RNF24: variants seen among roughly 807,000 people sequenced by gnomAD.
RNF24 encodes the protein ring finger protein 24.
RNF24 carries 14 observed loss-of-function variants against 20.0 expected under a neutral mutation model. The observed-to-expected ratio is 0.70, with a 90% confidence interval of 0.46 to 1.10. The LOEUF (loss-of-function observed/expected upper bound fraction) is 1.10. Ranked by LOEUF, RNF24 falls within the 50% of genes least tolerant of loss-of-function variation. The pLI, the probability that RNF24 is intolerant of heterozygous loss-of-function variation, is 0.00. For missense variants in RNF24, 124 were observed against 177.6 expected (o/e 0.70, Z 1.71); for synonymous variants, 45 against 61.1 (o/e 0.74, Z 1.23).
intron 1 of RNF24, among the ~76,000 whole-genome samples, chr20:4,012,419 A>G (rs1982536292): frequency 6.7e-6 from 1 of 149,656 alleles, no homozygotes; most frequent in Admixed American, 6.7e-5. Context: ...TCCATCTCAA[A>G]AAAAAAAAAC....
In RNF24 at chr20:3,934,399, G is replaced by A. The variant is rs537790369; in HGVS notation, c.309-198C>T. Among the ~76,000 whole-genome samples, 3 of 152,294 alleles carry A rather than the reference G, an allele frequency of 2.0e-5. No individual in the cohort carries two copies. Among genetic ancestry groups the A allele is most frequent in the African/African-American group, 7.2e-5 (3 of 41,574 alleles). On this transcript the variant is annotated intron_variant, in intron 5 of 5. Coordinates refer to ENST00000358395, the MANE Select transcript of RNF24 (RefSeq NM_001134337.3). This position sits in a 1 kb window ranked among gnomAD's most constrained non-coding sequence, Gnocchi z 4.0. ...AGAAGGAGTGGGGAGAGGCCAAGGGGTCAGCAATCCCCTCTTCCTTCCAGA... is the reference window on the plus strand; with the variant it reads ...AGAAGGAGTGGGGAGAGGCCAAGGGATCAGCAATCCCCTCTTCCTTCCAGA...
At chr20:3,969,105 A>C (rs778188399) in intron 1 of RNF24, among the ~76,000 whole-genome samples, 14 of 152,164 alleles carry the variant, frequency 9.2e-5, no homozygotes, top group South Asian at 2.1e-4. Context: ...ACTATTTCAT[A>C]AAGTTTTAAG....
intron 1 of RNF24, among the ~76,000 whole-genome samples, chr20:4,002,381 G>A (rs190752160): frequency 7.9e-5 from 12 of 152,144 alleles, no homozygotes; most frequent in Non-Finnish European, 1.0e-4. Context: ...GCAAGACTCC[G>A]TCTCAAAAAC....
chr20:3,964,448 TA>T (rs1470712138), intron 1 of RNF24, among the ~76,000 whole-genome samples: 1 of 152,180 alleles, frequency 6.6e-6, no homozygotes, highest in African/African-American at 2.4e-5. Context: ...ATAACTGAGA[TA>T]TCTCACAAGG....
At chr20:4,003,835 G>C (rs748276956) in intron 1 of RNF24, among the ~76,000 whole-genome samples, 3 of 151,604 alleles carry the variant, frequency 2.0e-5, no homozygotes, top group Non-Finnish European at 4.4e-5. Flanking sequence ...GTAGAGTCAG[G>C]GTTTCGCCAT....
At chr20:3,993,467 A>G (rs1980620579) in intron 1 of RNF24, among the ~76,000 whole-genome samples, 2 of 152,106 alleles carry the variant, frequency 1.3e-5, no homozygotes, top group Admixed American at 6.6e-5. Context: ...TTGTATTTTT[A>G]GTAGAGACAG....
At chr20:3,981,702 C>A (rs537769363) in intron 1 of RNF24, among the ~76,000 whole-genome samples, 4 of 152,230 alleles carry the variant, frequency 2.6e-5, no homozygotes, top group Admixed American at 2.6e-4. Flanking sequence ...ACATACATTA[C>A]ATATGAATTA....
At chr20:3,991,315 C>T (rs1980420616) in intron 1 of RNF24, among the ~76,000 whole-genome samples, 1 of 138,552 alleles carries the variant, frequency 7.2e-6, no homozygotes, top group African/African-American at 2.8e-5. Flanking sequence ...GCAGTGGTGC[C>T]ATCTTGGCTT....
At chr20:3,984,776 A>G (rs1979735851) in intron 1 of RNF24, among the ~76,000 whole-genome samples, 1 of 151,848 alleles carries the variant, frequency 6.6e-6, no homozygotes, top group Non-Finnish European at 1.5e-5. Flanking sequence ...TCTTCAGAGG[A>G]TAACTCTTCT....
chr20:3,936,420 G>A (rs1568613067), intron 4 of RNF24, among the ~76,000 whole-genome samples: 1 of 152,176 alleles, frequency 6.6e-6, no homozygotes, highest in Non-Finnish European at 1.5e-5. Context: ...GCTCAGCTTG[G>A]GGGGTAGGGT....
At chr20:3,940,108 A>G (rs953076762) in intron 4 of RNF24, among the ~76,000 whole-genome samples, 1 of 151,906 alleles carries the variant, frequency 6.6e-6, no homozygotes, top group African/African-American at 2.4e-5. Context: ...ACAGGCATGC[A>G]CCACCACACC....
At chr20:3,977,783 T>C (rs1332204506) in intron 1 of RNF24, among the ~76,000 whole-genome samples, 3 of 148,064 alleles carry the variant, frequency 2.0e-5, no homozygotes, top group African/African-American at 7.5e-5. Flanking sequence ...GAGAATGGCA[T>C]GAACCCAGAG....
chr20:3,945,304 T>C (rs1200861200), intron 3 of RNF24, 86 bp from the exon 4 acceptor site: 4 of 1,304,746 alleles, frequency 3.1e-6, no homozygotes, highest in East Asian at 5.2e-5. Context: ...ATTTTTCTTT[T>C]GTATATATGG....
At chr20:3,986,060 CT>C (rs1310728200) in intron 1 of RNF24, among the ~76,000 whole-genome samples, 3 of 151,740 alleles carry the variant, frequency 2.0e-5, no homozygotes, top group Non-Finnish European at 4.4e-5. Context: ...GCCATTTTCT[CT>C]ATTTTTATGT....
rs1430934857 is a variant in RNF24, at chr20:4,008,367, A to AT, written c.-8+7069dup. Among the ~76,000 whole-genome samples the AT allele has an allele frequency of 1.6e-3, 69 of 42,088 alleles. 3 individuals are homozygous for AT. The highest frequency in any genetic ancestry group is 3.7e-3 in the East Asian group (10 of 2,736). 27.6% of individuals were successfully genotyped at this position (42,088 alleles called of 152,430 possible). ...TATACATGTAATATGTATAATATAT[A>AT]TATTATATATATAATATATATATTA... On this transcript the variant is annotated intron_variant, in intron 1 of 5. Transcript: ENST00000358395.
chr20:3,971,647 T>C (rs1568639328), intron 1 of RNF24, among the ~76,000 whole-genome samples: 1 of 152,148 alleles, frequency 6.6e-6, no homozygotes, highest in Non-Finnish European at 1.5e-5. Context: ...TGGTAAAGTA[T>C]ACTAGTAGAC....
At chr20:3,982,304 G>A (rs571617022) in intron 1 of RNF24, among the ~76,000 whole-genome samples, 40 of 151,454 alleles carry the variant, frequency 2.6e-4, no homozygotes, top group African/African-American at 9.0e-4. Flanking sequence ...AGGGTTGGGC[G>A]CAGTGGCTCA....
rs2090858800 is a variant in RNF24 at position 3,934,000 on chromosome 20, CAT to C, written c.*61_*62del. 3 of 1,396,460 alleles carry C rather than the reference CAT, an allele frequency of 2.1e-6. No individual in the cohort carries two copies. Among genetic ancestry groups the C allele is most frequent in the Non-Finnish European group, 2.8e-6 (3 of 1,064,858 alleles). 86.5% of individuals were successfully genotyped at this position (1,396,460 alleles called of 1,614,324 possible). A position where few individuals can be genotyped will look rare whatever the true frequency, so the allele number is the denominator to read the frequency against. On this transcript the variant is annotated 3_prime_UTR_variant, in exon 6 of 6. Coordinates refer to ENST00000358395, the MANE Select transcript of RNF24 (RefSeq NM_001134337.3). ...GTAGAGAGCAGCCATACAGACACCA[CAT>C]GTGTTCCTCCTGGCTCCACACAGAC...
chr20:4,014,739 GCACACACA>G (rs146278311), intron 1 of RNF24, among the ~76,000 whole-genome samples: 2,430 of 143,720 alleles, frequency 0.017, 68 homozygotes, highest in African/African-American at 0.054. Context: ...ACTTGAATGC[GCACACACA>G]CACACACACA....
Sources: gnomAD v4.1 joint callset for allele counts (sites outside exome capture counted in the v4.1 genomes callset) on GRCh38, gnomAD v4.1.1 for gene constraint, Gnocchi (gnomAD v3.1) non-coding constraint, MANE v1.5 for transcripts, NCBI Gene and HGNC (gene_info 2026-07-23, HGNC 2026-07-21) for gene names.